The following INTS4 variants were observed in gnomAD, a reference collection of about 807,000 sequenced individuals.
INTS4 encodes MSTP093.
A neutral mutation model predicts 119.5 loss-of-function variants in INTS4; 70 were observed. That is an observed-to-expected ratio of 0.59 (90% CI 0.48 to 0.71). The LOEUF is 0.71. Ranked by LOEUF, INTS4 falls within the 30% of genes least tolerant of loss-of-function variation. The probability of loss-of-function intolerance (pLI) is 0.00; values close to 1 mark genes in which losing one functional copy is unlikely to be tolerated. For missense variants in INTS4, 867 were observed against 1,173.2 expected (o/e 0.74, Z 3.81); for synonymous variants, 316 against 419.6 (o/e 0.75, Z 3.02).
chr11:77,879,613 G>C (rs551280678), intron 22 of INTS4, among the ~76,000 whole-genome samples: 1 of 152,264 alleles, frequency 6.6e-6, no homozygotes, highest in East Asian at 1.9e-4. Flanking sequence ...TCTGGCCAAT[G>C]AACAGGAACA....
At chr11:77,889,398 G>A (rs1952163375) in intron 21 of INTS4, among the ~76,000 whole-genome samples, 1 of 150,254 alleles carries the variant, frequency 6.7e-6, no homozygotes, top group African/African-American at 2.5e-5. Flanking sequence ...GACTGTTGTG[G>A]GGTAGGGGGA....
At chr11:77,923,315 CAAAAAA>C (rs35475320) in intron 12 of INTS4, among the ~76,000 whole-genome samples, 2 of 87,984 alleles carry the variant, frequency 2.3e-5, no homozygotes, top group Non-Finnish European at 4.4e-5. Flanking sequence ...GACTCTGTCT[CAAAAAA>C]AAAAAAAAAA....
At chr11:77,978,920 C>T in intron 4 of INTS4, 76 bp downstream of exon 4, 2 of 860,182 alleles carry the variant, frequency 2.3e-6, no homozygotes, top group Non-Finnish European at 3.8e-6. Flanking sequence ...TAAGGCAGCT[C>T]CTAAAACCAT....
intron 8 of INTS4, among the ~76,000 whole-genome samples, chr11:77,942,900 G>A (rs370509696): frequency 6.6e-6 from 1 of 152,240 alleles, no homozygotes; most frequent in South Asian, 2.1e-4. Context: ...CCTTTCCTAT[G>A]ATTCCACAAA....
intron 16 of INTS4, among the ~76,000 whole-genome samples, chr11:77,907,334 A>G (rs1316264923): frequency 3.3e-5 from 5 of 152,166 alleles, no homozygotes; most frequent in South Asian, 2.1e-4. Context: ...TTGGCCTGCC[A>G]AAGTGCTAAG....
chr11:77,899,625 G>A (rs1430300329), intron 18 of INTS4, among the ~76,000 whole-genome samples: 1 of 151,628 alleles, frequency 6.6e-6, no homozygotes, highest in Non-Finnish European at 1.5e-5. Flanking sequence ...AGCTGAGATC[G>A]GACCACTGCA....
rs113112213 is a variant in INTS4 at position 77,972,374 on chromosome 11, C to A, written c.471+6622G>T. On this transcript the variant is annotated intron_variant, in intron 4 of 22. Transcript: ENST00000534064. ...TCAGCCTCCCAAAGTAGTGGGATTACAGGCATGAGCCACCACACCCGGCCA... is the reference window on the plus strand; with the variant it reads ...TCAGCCTCCCAAAGTAGTGGGATTAAAGGCATGAGCCACCACACCCGGCCA... Among the ~76,000 whole-genome samples, 872 of 152,080 alleles carry A rather than the reference C, an allele frequency of 5.7e-3. 8 individuals are homozygous for A. Among genetic ancestry groups the A allele is most frequent in the African/African-American group, 0.02 (825 of 41,472 alleles).
chr11:77,893,448 AT>A (rs202115278), intron 19 of INTS4, among the ~76,000 whole-genome samples: 1,637 of 152,240 alleles, frequency 0.011, 30 homozygotes, highest in African/African-American at 0.035. Flanking sequence ...TCTAAAAAAA[AT>A]ATATTAAAAA....
At chr11:77,959,899 C>T (rs1954422203) in intron 6 of INTS4, among the ~76,000 whole-genome samples, 1 of 152,124 alleles carries the variant, frequency 6.6e-6, no homozygotes, top group African/African-American at 2.4e-5. Context: ...TTATACCTTT[C>T]TTTACCACTA....
At chr11:77,886,300 T>A (rs1245897460) in intron 21 of INTS4, among the ~76,000 whole-genome samples, 5 of 152,166 alleles carry the variant, frequency 3.3e-5, no homozygotes, top group Non-Finnish European at 1.5e-5. Flanking sequence ...AAGCCTTCTT[T>A]CATTTGTCTA....
In INTS4 at chr11:77,928,558, G is replaced by A. The variant is rs544660568; in HGVS notation, c.1166-11C>T. On this transcript the variant is annotated splice_polypyrimidine_tract_variant and intron_variant, in intron 10 of 22. Transcript: ENST00000534064. The stretch of plus-strand genomic sequence containing the variant: ...CAGCAATACGAACCTCTAGAAAAAA[G>A]AACAAATGAAATTGCACATCAGGCT... 68 of 1,554,076 alleles carry A rather than the reference G, an allele frequency of 4.4e-5. No homozygotes were observed. In the Admixed American group the frequency reaches 8.5e-4, roughly 20 times the overall value.
intron 14 of INTS4, 129 bp from the exon 15 acceptor site, chr11:77,919,107 T>C (rs1953276699): frequency 3.1e-6 from 3 of 956,824 alleles, no homozygotes; most frequent in South Asian, 1.6e-5. Context: ...GCTAGGATAT[T>C]CTATAAATAA....
At chr11:77,957,485 G>T (rs1954358100) in intron 7 of INTS4, among the ~76,000 whole-genome samples, 1 of 151,068 alleles carries the variant, frequency 6.6e-6, no homozygotes, top group South Asian at 2.1e-4. Context: ...AGGAGTTGGA[G>T]GTTGTAGTAA....
downstream of INTS4, among the ~76,000 whole-genome samples, chr11:77,878,341 G>A (rs187264240): frequency 6.3e-4 from 93 of 148,740 alleles, no homozygotes; most frequent in Middle Eastern, 6.9e-3. Context: ...CAGCCTGAGC[G>A]ACACAGCAAG....
downstream of INTS4, among the ~76,000 whole-genome samples, chr11:77,877,714 C>T (rs1019358627): frequency 4.6e-5 from 7 of 152,098 alleles, no homozygotes; most frequent in African/African-American, 1.7e-4. Flanking sequence ...AAAGGTTAAC[C>T]TCTCTGGAGC....
At chr11:77,939,608 T>TA (rs1953880952) in intron 9 of INTS4, among the ~76,000 whole-genome samples, 1 of 152,164 alleles carries the variant, frequency 6.6e-6, no homozygotes, top group African/African-American at 2.4e-5. Context: ...ACTTGACAGT[T>TA]ATGGTTCTCA....
chr11:77,889,010 A>G (rs1459716143), intron 21 of INTS4, among the ~76,000 whole-genome samples: 3 of 152,228 alleles, frequency 2.0e-5, no homozygotes, highest in African/African-American at 7.2e-5. Context: ...TGTGGATGTC[A>G]GTGTGGCAAT....
intron 2 of INTS4, among the ~76,000 whole-genome samples, chr11:77,985,802 C>G (rs1488689887): frequency 6.6e-6 from 1 of 152,140 alleles, no homozygotes; most frequent in Non-Finnish European, 1.5e-5. Flanking sequence ...ACACTGCTAG[C>G]CCCTAAAGGA....
intron 16 of INTS4, among the ~76,000 whole-genome samples, chr11:77,904,919 G>A (rs567017649): frequency 2.0e-5 from 3 of 152,268 alleles, no homozygotes; most frequent in South Asian, 2.1e-4. Context: ...AAGGAGATGC[G>A]TATGAGTGCC....
Sources: allele counts gnomAD v4.1 joint callset (sites outside exome capture counted in the v4.1 genomes callset), GRCh38; gene constraint gnomAD v4.1.1; transcripts MANE v1.5; gene names NCBI Gene and HGNC (gene_info 2026-07-23, HGNC 2026-07-21).